Variants in CUEDC1 observed in about 807,000 individuals in gnomAD.
The protein encoded by CUEDC1 is CUE domain-containing protein 1.
CUEDC1 carries 30 observed loss-of-function variants against 43.7 expected under a neutral mutation model. That is an observed-to-expected ratio of 0.69 (90% confidence interval 0.51 to 0.93). CUEDC1 has a LOEUF of 0.93. Among genes scored for constraint, CUEDC1 ranks in the 40% least tolerant of loss-of-function variants. The pLI, the probability that CUEDC1 is intolerant of heterozygous loss-of-function variation, is 0.00. For synonymous variants in CUEDC1, 223 were observed against 223.6 expected, an observed-to-expected ratio of 1.00 and a Z score of 0.02; for missense variants, 486 against 549.0, an observed-to-expected ratio of 0.89 and a Z score of 1.15.
rs748292790 is a variant in CUEDC1, at chr17:57,873,724, G to T, written c.465-7C>A. 1.5e-5 allele frequency: 24 copies of T among 1,562,240 alleles called. No homozygotes were observed. Among genetic ancestry groups the T allele is most frequent in the Admixed American group, 1.9e-5 (1 of 52,800 alleles). ...AGAGCCCAGCGCGTCGATACTAGGG[G>T]ATGGCAGGTGACAGGGAAGAGGAAG... is the stretch of plus-strand genomic sequence containing the variant. On this transcript the variant is annotated splice_region_variant and splice_polypyrimidine_tract_variant and intron_variant, in intron 3 of 10. Transcript: ENST00000577830.
intron 1 of CUEDC1, among the ~76,000 whole-genome samples, chr17:57,935,017 T>C (rs2074846864): frequency 6.6e-6 from 1 of 152,156 alleles, no homozygotes; most frequent in South Asian, 2.1e-4. Flanking sequence ...CCGTTCCCCA[T>C]TTTTATACTT....
chr17:57,881,670 C>T (rs535195266), intron 2 of CUEDC1, among the ~76,000 whole-genome samples: 139 of 152,264 alleles, frequency 9.1e-4, no homozygotes, highest in African/African-American at 3.0e-3. Context: ...GGGAGGAGAG[C>T]GCAGTAGAAA....
intron 3 of CUEDC1, among the ~76,000 whole-genome samples, chr17:57,877,338 C>G (rs1443558838): frequency 6.6e-6 from 1 of 152,126 alleles, no homozygotes; most frequent in Non-Finnish European, 1.5e-5. Flanking sequence ...CACATTTATA[C>G]TGGGATTTTC....
intron 1 of CUEDC1, among the ~76,000 whole-genome samples, chr17:57,929,032 A>C (rs545719170): frequency 6.6e-5 from 10 of 152,232 alleles, no homozygotes; most frequent in African/African-American, 2.4e-4. Flanking sequence ...ATTCCATACT[A>C]ATTTGCCACA....
intron 1 of CUEDC1, among the ~76,000 whole-genome samples, chr17:57,937,844 C>A (rs2074876643): frequency 6.6e-6 from 1 of 152,000 alleles, no homozygotes; most frequent in Non-Finnish European, 1.5e-5. Flanking sequence ...GGGATCCAGG[C>A]TGCAGTGAGC....
intron 3 of CUEDC1, among the ~76,000 whole-genome samples, chr17:57,873,937 G>A (rs2074073559): frequency 6.6e-6 from 1 of 152,188 alleles, no homozygotes; most frequent in African/African-American, 2.4e-5. Context: ...CAGTCACTCA[G>A]TGCCCTTCCA....
chr17:57,902,746 C>A lies in CUEDC1; in HGVS notation c.-315-16867G>T, dbSNP rs142613861. Among the ~76,000 whole-genome samples, 34 of 152,358 alleles carry A rather than the reference C, an allele frequency of 2.2e-4. No homozygotes were observed. In the East Asian group the frequency reaches 6.4e-3, roughly 29 times the overall value. On this transcript the variant is annotated intron_variant, in intron 1 of 10. Transcript: ENST00000577830. Reference sequence around the variant, plus strand: ...AAGACGTTGCGGGAAAGTCCCCGAACGCTTTGCATTCAGCCAGGCTCCAGG... The same window carrying A: ...AAGACGTTGCGGGAAAGTCCCCGAAAGCTTTGCATTCAGCCAGGCTCCAGG...
chr17:57,943,939 G>A (rs1281068985), intron 1 of CUEDC1, among the ~76,000 whole-genome samples: 1 of 152,066 alleles, frequency 6.6e-6, no homozygotes. Context: ...GAATCCTAAC[G>A]CTACAATATT....
chr17:57,896,907 C>A (rs1272493977), intron 1 of CUEDC1, among the ~76,000 whole-genome samples: 3 of 151,116 alleles, frequency 2.0e-5, no homozygotes, highest in Non-Finnish European at 2.9e-5. Flanking sequence ...GTAGCTGAGA[C>A]TACAGGTGCG....
chr17:57,864,912 C>A (rs1430585228), intron 10 of CUEDC1, among the ~76,000 whole-genome samples: 1 of 152,132 alleles, frequency 6.6e-6, no homozygotes, highest in Non-Finnish European at 1.5e-5. Context: ...AACAAATTAG[C>A]CAGGCAAGAT....
chr17:57,920,762 A>G (rs1229628409), intron 1 of CUEDC1, among the ~76,000 whole-genome samples: 1 of 149,804 alleles, frequency 6.7e-6, no homozygotes, highest in Non-Finnish European at 1.5e-5. Context: ...CTCCCTTAGT[A>G]GCTGGGACTA....
At position 57,861,679 on chromosome 17, in the gene CUEDC1, T is replaced by C. The variant is rs2073874458; in HGVS notation, c.*1610A>G. The C allele has an allele frequency of 6.6e-6, 1 of 152,020 alleles. No homozygotes were observed. Among genetic ancestry groups the C allele is most frequent in the South Asian group, 2.1e-4 (1 of 4,824 alleles). The allele number at this position is 152,020 out of a possible 1,614,324, so 9.4% of individuals were successfully genotyped here. A position where few individuals can be genotyped will look rare whatever the true frequency, so the allele number is the denominator to read the frequency against. ...AACCCACACATAGGAGGAAAAAAAA[T>C]AACAAAGCAACACTCAACAGACATG... On this transcript the variant is annotated 3_prime_UTR_variant, in exon 11 of 11. Coordinates refer to ENST00000577830, the MANE Select transcript of CUEDC1 (RefSeq NM_001271875.2).
At chr17:57,900,298 G>T (rs1438962624) in intron 1 of CUEDC1, among the ~76,000 whole-genome samples, 1 of 152,192 alleles carries the variant, frequency 6.6e-6, no homozygotes, top group Non-Finnish European at 1.5e-5. Context: ...TATAGGTGGG[G>T]GCTGGGGGAG....
At chr17:57,897,493 AC>A (rs748299040) in intron 1 of CUEDC1, among the ~76,000 whole-genome samples, 2 of 151,724 alleles carry the variant, frequency 1.3e-5, no homozygotes, top group Non-Finnish European at 2.9e-5. Context: ...ACACGGTGAA[AC>A]CCCGTCTCTA....
chr17:57,882,617 A>G (rs1009612618), intron 2 of CUEDC1, among the ~76,000 whole-genome samples: 6 of 152,174 alleles, frequency 3.9e-5, no homozygotes, highest in Non-Finnish European at 8.8e-5. Flanking sequence ...GGGTCCACTT[A>G]TAGGTAGATT....
chr17:57,925,183 C>G (rs1346452665), intron 1 of CUEDC1, among the ~76,000 whole-genome samples: 1 of 150,314 alleles, frequency 6.7e-6, no homozygotes, highest in Admixed American at 6.6e-5. Context: ...CTGAAATTAT[C>G]AGAATGATCA....
At chr17:57,919,184 A>T (rs564826190) in intron 1 of CUEDC1, among the ~76,000 whole-genome samples, 1 of 149,888 alleles carries the variant, frequency 6.7e-6, no homozygotes, top group South Asian at 2.1e-4. Context: ...TTCTTAATTA[A>T]TTTTTCTTTT....
rs528438020 is a variant in CUEDC1, at chr17:57,906,948, G to A, written c.-315-21069C>T. Among the ~76,000 whole-genome samples the A allele has an allele frequency of 5.5e-5, 8 of 144,950 alleles. No individual in the cohort carries two copies. The East Asian group carries it at 1.2e-3, about 21-fold the overall frequency. ...ATCATGCCATTGCACTCCAGCCTGG[G>A]CAACAAGAGTGAAACTCTGCCTCAC... is the stretch of plus-strand genomic sequence containing the variant. On this transcript the variant is annotated intron_variant, in intron 1 of 10. Transcript: ENST00000577830.
At chr17:57,913,746 C>T (rs1009145515) in intron 1 of CUEDC1, among the ~76,000 whole-genome samples, 2 of 152,180 alleles carry the variant, frequency 1.3e-5, no homozygotes, top group Non-Finnish European at 2.9e-5. Flanking sequence ...CAGGGACCTG[C>T]TGATTCACAC....
Sources: allele counts gnomAD v4.1 joint callset (sites outside exome capture counted in the v4.1 genomes callset), GRCh38; gene constraint gnomAD v4.1.1; transcripts MANE v1.5; gene names NCBI Gene and HGNC (gene_info 2026-07-23, HGNC 2026-07-21).